MFSD11: variants seen among roughly 807,000 people sequenced by gnomAD.
The protein encoded by MFSD11 is UNC93-like protein MFSD11.
MFSD11 carries 36 observed loss-of-function variants against 53.5 expected under a neutral mutation model. The ratio of observed to expected loss-of-function variants is 0.67; its 90% CI spans 0.52 to 0.89. MFSD11 has a LOEUF of 0.89. Ranked by LOEUF, MFSD11 falls within the 40% of genes least tolerant of loss-of-function variation. The pLI, the probability that MFSD11 is intolerant of heterozygous loss-of-function variation, is 0.00. For synonymous variants in MFSD11, 186 were observed against 184.9 expected (o/e 1.01, Z -0.05); for missense variants, 530 against 543.9 (o/e 0.97, Z 0.25).
intron 8 of MFSD11, among the ~76,000 whole-genome samples, chr17:76,765,774 T>C (rs1274431296): frequency 6.6e-6 from 1 of 152,122 alleles, no homozygotes; most frequent in Non-Finnish European, 1.5e-5. Flanking sequence ...AGGATCAATC[T>C]ATTTCTGCAA....
chr17:76,743,969 C>T lies in MFSD11; in HGVS notation c.497-353C>T, dbSNP rs576192633. Among the ~76,000 whole-genome samples, 24 of 152,286 alleles carry T rather than the reference C, an allele frequency of 1.6e-4. No homozygotes were observed. In the South Asian group the frequency reaches 4.6e-3, roughly 29 times the overall value. ...TTTATGACTATGCTTTAAGGGGCTT[C>T]TCAGGGTCTAAGGGAAGGTTATGCT... On this transcript the variant is annotated intron_variant, in intron 6 of 12. Transcript: ENST00000685175.
At chr17:76,755,691 G>A (rs931669782) in intron 8 of MFSD11, among the ~76,000 whole-genome samples, 1 of 139,180 alleles carries the variant, frequency 7.2e-6, no homozygotes, top group Non-Finnish European at 1.5e-5. Flanking sequence ...TATATTCATA[G>A]TTTTTTACAT....
At chr17:76,795,869 G>T in the MFSD11 span, among the ~76,000 whole-genome samples, 1 of 142,568 alleles carries the variant, frequency 7.0e-6, no homozygotes, top group Non-Finnish European at 1.5e-5. Flanking sequence ...GTTTCACCAT[G>T]TTGGCCAGGA....
the MFSD11 span, among the ~76,000 whole-genome samples, chr17:76,794,015 C>T: frequency 6.6e-6 from 1 of 151,364 alleles, no homozygotes; most frequent in African/African-American, 2.5e-5. Context: ...CTAGAGCCTC[C>T]AGGAACAATG....
At chr17:76,750,644 C>G (rs2078976491) in intron 7 of MFSD11, among the ~76,000 whole-genome samples, 2 of 151,950 alleles carry the variant, frequency 1.3e-5, no homozygotes, top group African/African-American at 4.8e-5. Context: ...GCGTGAGCCA[C>G]CGCGCCTGGC....
chr17:76,801,909 AG>A, the MFSD11 span, among the ~76,000 whole-genome samples: 1 of 152,120 alleles, frequency 6.6e-6, no homozygotes, highest in Non-Finnish European at 1.5e-5. Context: ...CTGGGAATGC[AG>A]CCCATTAGGT....
At chr17:76,737,073 G>A, upstream of MFSD11, 1 of 1,612,960 alleles carries the variant, frequency 6.2e-7, no homozygotes, top group Non-Finnish European at 8.5e-7. Flanking sequence ...ACGCGCCTCA[G>A]CGTGTCGGGC....
chr17:76,778,329 G>A lies in MFSD11; in HGVS notation c.1327G>A (p.Gly443Ser), dbSNP rs369886787. The change falls in exon 13 of 13, where the codon GGC becomes AGC. Residue 443 changes from glycine (G) to serine (S), a missense_variant. Transcript: ENST00000685175. The stretch of plus-strand genomic sequence containing the variant: ...GGAAGCTGCCGCCTTTGTAGCCCGC[G>A]GCTCTGACTACCGAAGTATCTGATC... ...EWEAAAFVAR[G>S]SDYRSI 6.2e-5 allele frequency: 100 copies of A among 1,614,156 alleles called. No individual in the cohort carries two copies. The African/African-American group carries it at 1.1e-3, about 18-fold the overall frequency.
At chr17:76,801,689 C>A in the MFSD11 span, among the ~76,000 whole-genome samples, 1 of 152,220 alleles carries the variant, frequency 6.6e-6, no homozygotes, top group South Asian at 2.1e-4. Flanking sequence ...CAGGGATCCA[C>A]CTGCCTTGGC....
At chr17:76,743,709 C>T (rs1220230587) in intron 6 of MFSD11, among the ~76,000 whole-genome samples, 8 of 152,086 alleles carry the variant, frequency 5.3e-5, no homozygotes, top group African/African-American at 9.7e-5. Context: ...CTCCGCCTCC[C>T]GGGTTCAAAC....
At chr17:76,764,552 G>A (rs1489288738) in intron 8 of MFSD11, among the ~76,000 whole-genome samples, 2 of 152,144 alleles carry the variant, frequency 1.3e-5, no homozygotes, top group Admixed American at 6.6e-5. Flanking sequence ...TGCTCTTCAG[G>A]TTCATCCACG....
the MFSD11 span, among the ~76,000 whole-genome samples, chr17:76,789,515 C>A: frequency 6.7e-6 from 1 of 150,238 alleles, no homozygotes; most frequent in African/African-American, 2.4e-5. Flanking sequence ...ACTCGCCTAG[C>A]TCCTGAGATC....
At chr17:76,766,476 G>A (rs1043330289) in intron 8 of MFSD11, among the ~76,000 whole-genome samples, 1 of 151,242 alleles carries the variant, frequency 6.6e-6, no homozygotes, top group African/African-American at 2.4e-5. Context: ...AAATGAACAT[G>A]CTTTGCTAGT....
chr17:76,780,603 C>A (rs1377764434), downstream of MFSD11, among the ~76,000 whole-genome samples: 2 of 151,900 alleles, frequency 1.3e-5, no homozygotes, highest in Non-Finnish European at 2.9e-5. Context: ...GCAACCTCCG[C>A]CTCCCAGGTT....
At chr17:76,780,528 T>G (rs1041030291), downstream of MFSD11, among the ~76,000 whole-genome samples, 8 of 151,610 alleles carry the variant, frequency 5.3e-5, no homozygotes, top group South Asian at 2.1e-4. Context: ...TTTTTTTTTT[T>G]TTTTCAAGAC....
intron 3 of MFSD11, among the ~76,000 whole-genome samples, chr17:76,741,583 G>C (rs1326797284): frequency 1.3e-5 from 2 of 152,038 alleles, no homozygotes; most frequent in Admixed American, 6.6e-5. Flanking sequence ...CCAGGAGTTC[G>C]AGACCAGCCT....
chr17:76,739,829 A>G (rs1214412172), intron 2 of MFSD11, among the ~76,000 whole-genome samples: 1 of 152,156 alleles, frequency 6.6e-6, no homozygotes, highest in Non-Finnish European at 1.5e-5. Context: ...GTAAGTGATT[A>G]GTAGCACAGC....
chr17:76,803,783 T>C, the MFSD11 span, among the ~76,000 whole-genome samples: 3 of 151,330 alleles, frequency 2.0e-5, no homozygotes, highest in Non-Finnish European at 2.9e-5. Context: ...ATTTGAGTAA[T>C]AATAAAACTT....
rs565995005 is a variant in MFSD11 at position 76,759,670 on chromosome 17, G to A, written c.682+5583G>A. The stretch of plus-strand genomic sequence containing the variant: ...GATGGGGTTTCACTGTGTTAACCAG[G>A]ATGGTCTCGATCTCCTGATCTCGTG... On this transcript the variant is annotated intron_variant, in intron 8 of 12. Coordinates refer to ENST00000685175, the MANE Select transcript of MFSD11 (RefSeq NM_001242532.5). Among the ~76,000 whole-genome samples, 121 of 149,232 alleles carry A rather than the reference G, an allele frequency of 8.1e-4. No homozygotes were observed. The South Asian group carries it at 0.013, about 16-fold the overall frequency.
Sources: gnomAD v4.1 joint callset for allele counts (sites outside exome capture counted in the v4.1 genomes callset) on GRCh38, gnomAD v4.1.1 for gene constraint, MANE v1.5 for transcripts, NCBI Gene and HGNC (gene_info 2026-07-23, HGNC 2026-07-21) for gene names.